Variants in ADAMTSL1 observed in about 807,000 individuals in gnomAD.
ADAMTSL1 encodes ADAMTS-like protein 1.
A neutral mutation model predicts 201.8 loss-of-function variants in ADAMTSL1; 126 were observed. The ratio of observed to expected loss-of-function variants is 0.62; its 90% CI spans 0.54 to 0.72. The LOEUF (loss-of-function observed/expected upper bound fraction) is 0.72, where lower values mean the gene tolerates loss of function less well. ADAMTSL1 is among the 30% of genes least tolerant of loss of function. ADAMTSL1 has a pLI of 0.00. For synonymous variants in ADAMTSL1, 1,121 were observed against 903.4 expected, an observed-to-expected ratio of 1.24 and a Z score of -4.32; for missense variants, 2,679 against 2,277.8, an observed-to-expected ratio of 1.18 and a Z score of -3.59.
chr9:18,253,683 C>T (rs1831557191), intron 2 of ADAMTSL1, among the ~76,000 whole-genome samples: 1 of 152,118 alleles, frequency 6.6e-6, no homozygotes, highest in Admixed American at 6.5e-5. Flanking sequence ...CTGGTTGGTT[C>T]CTTGTTTCTA....
At chr9:18,679,370 G>T (rs1830312293) in intron 10 of ADAMTSL1, among the ~76,000 whole-genome samples, 1 of 152,010 alleles carries the variant, frequency 6.6e-6, no homozygotes, top group South Asian at 2.1e-4. Context: ...GCTCAACTCA[G>T]TCCCAATGTT....
chr9:18,297,699 G>A (rs763232501), intron 2 of ADAMTSL1, among the ~76,000 whole-genome samples: 1 of 152,198 alleles, frequency 6.6e-6, no homozygotes, highest in African/African-American at 2.4e-5. Flanking sequence ...CCCCCTAGGG[G>A]TGAGTAGTGT....
intron 1 of ADAMTSL1, among the ~76,000 whole-genome samples, chr9:18,078,480 C>T (rs774100204): frequency 2.6e-5 from 4 of 152,138 alleles, no homozygotes; most frequent in Non-Finnish European, 4.4e-5. Flanking sequence ...GTCAGAGTTT[C>T]GCTGACTAAC....
chr9:18,522,706 C>A (rs941252386), intron 2 of ADAMTSL1, among the ~76,000 whole-genome samples: 1 of 150,762 alleles, frequency 6.6e-6, no homozygotes, highest in Non-Finnish European at 1.5e-5. Flanking sequence ...TTTTTTTTTC[C>A]CTGCAATAGT....
intron 2 of ADAMTSL1, among the ~76,000 whole-genome samples, chr9:18,520,266 A>G (rs900354559): frequency 6.6e-6 from 1 of 152,210 alleles, no homozygotes; most frequent in Admixed American, 6.5e-5. Context: ...AAACAACCAG[A>G]GAGGATGTTG....
At chr9:18,493,190 C>T (rs1278653823) in intron 1 of ADAMTSL1, among the ~76,000 whole-genome samples, 2 of 152,218 alleles carry the variant, frequency 1.3e-5, no homozygotes, top group East Asian at 1.9e-4. Context: ...AATATGTTCT[C>T]CCGAGTCCAA....
chr9:18,195,331 G>A (rs1295987866), intron 2 of ADAMTSL1, among the ~76,000 whole-genome samples: 1 of 152,118 alleles, frequency 6.6e-6, no homozygotes, highest in East Asian at 1.9e-4. Flanking sequence ...GATCAAAACT[G>A]CCTCCGGGAA....
intron 1 of ADAMTSL1, among the ~76,000 whole-genome samples, chr9:17,930,926 G>A (rs1358994038): frequency 1.2e-4 from 19 of 152,156 alleles, no homozygotes; most frequent in Admixed American, 1.2e-3. Flanking sequence ...CCCAGGTGGG[G>A]TTCTGGTTGG....
chr9:18,316,053 G>A (rs947782556), intron 2 of ADAMTSL1, among the ~76,000 whole-genome samples: 8 of 152,178 alleles, frequency 5.3e-5, no homozygotes, highest in African/African-American at 1.9e-4. Flanking sequence ...ATGTCGGTAG[G>A]TTCCGTGATG....
At chr9:17,989,842 C>A (rs1307123430) in intron 1 of ADAMTSL1, among the ~76,000 whole-genome samples, 1 of 149,854 alleles carries the variant, frequency 6.7e-6, no homozygotes, top group Non-Finnish European at 1.5e-5. Context: ...TTTTTTTTAG[C>A]ATGCAAAGAA....
intron 2 of ADAMTSL1, among the ~76,000 whole-genome samples, chr9:18,461,530 A>C (rs1326211657): frequency 1.3e-5 from 2 of 152,202 alleles, no homozygotes; most frequent in East Asian, 3.8e-4. Context: ...TTTTGTTCAC[A>C]GACAGGGTAG....
chr9:17,975,312 G>T (rs565575635), intron 1 of ADAMTSL1, among the ~76,000 whole-genome samples: 38 of 152,040 alleles, frequency 2.5e-4, no homozygotes, highest in Admixed American at 2.1e-3. Context: ...AAGCTGAGTA[G>T]CTTACAACAA....
At chr9:18,889,799 C>A (rs1829134044) in intron 25 of ADAMTSL1, 51 bp downstream of exon 25, 9 of 1,401,966 alleles carry the variant, frequency 6.4e-6, no homozygotes, top group Non-Finnish European at 8.3e-6. Flanking sequence ...GAGGAGCCCT[C>A]CCTGTTAGCG....
At chr9:17,925,215 A>C (rs199909441) in intron 1 of ADAMTSL1, among the ~76,000 whole-genome samples, 1 of 116,508 alleles carries the variant, frequency 8.6e-6, no homozygotes, top group African/African-American at 2.9e-5. Flanking sequence ...ACAGGTGCTG[A>C]AGAGGATGTG....
At chr9:18,536,137 A>C (rs925844448) in intron 3 of ADAMTSL1, among the ~76,000 whole-genome samples, 23 of 152,118 alleles carry the variant, frequency 1.5e-4, no homozygotes, top group Admixed American at 7.2e-4. Flanking sequence ...AAAAACACAC[A>C]AAAAAAATTT....
intron 5 of ADAMTSL1, among the ~76,000 whole-genome samples, chr9:18,629,040 T>G (rs1826573326): frequency 6.6e-6 from 1 of 152,182 alleles, no homozygotes; most frequent in Admixed American, 6.6e-5. Context: ...TTGTATTCTT[T>G]ATTTCCATGT....
At chr9:18,141,257 G>A (rs1301478719) in intron 1 of ADAMTSL1, among the ~76,000 whole-genome samples, 6 of 152,134 alleles carry the variant, frequency 3.9e-5, no homozygotes, top group Non-Finnish European at 8.8e-5. Flanking sequence ...GAGTGGAAGA[G>A]CAGTTGAAGG....
At chr9:18,134,353 T>C (rs910015489) in intron 1 of ADAMTSL1, among the ~76,000 whole-genome samples, 6 of 152,200 alleles carry the variant, frequency 3.9e-5, no homozygotes, top group Admixed American at 1.3e-4. Context: ...ATTAATATTA[T>C]TAAGTTGATG....
At chr9:18,255,627 T>C (rs1831652911) in intron 2 of ADAMTSL1, among the ~76,000 whole-genome samples, 1 of 152,248 alleles carries the variant, frequency 6.6e-6, no homozygotes, top group Non-Finnish European at 1.5e-5. Context: ...CAATCATAAA[T>C]ATAGTGGTTT....
Sources: gnomAD v4.1 joint callset for allele counts (sites outside exome capture counted in the v4.1 genomes callset) on GRCh38, gnomAD v4.1.1 for gene constraint, MANE v1.5 for transcripts, NCBI Gene and HGNC (gene_info 2026-07-23, HGNC 2026-07-21) for gene names.